The following SULT2A1 variants were observed in gnomAD, a reference collection of about 807,000 sequenced individuals.
The protein encoded by SULT2A1 is sulfotransferase 2A1.
In SULT2A1, 43 loss-of-function variants were observed where a neutral mutation model predicts 33.9. The ratio of observed to expected loss-of-function variants is 1.27; its 90% CI spans 1.00 to 1.64. The LOEUF (loss-of-function observed/expected upper bound fraction) is 1.64, where lower values mean the gene tolerates loss of function less well. Ranked by LOEUF, SULT2A1 falls within the 40% of genes most tolerant of loss-of-function variation. The pLI, the probability that SULT2A1 is intolerant of heterozygous loss-of-function variation, is 0.00. For missense variants in SULT2A1, 300 were observed against 335.1 expected (o/e 0.90, Z 0.82); for synonymous variants, 125 against 113.6 (o/e 1.10, Z -0.64).
rs1304683373 is a variant in SULT2A1 at position 47,871,488 on chromosome 19, T to C, written c.825A>G (p.Ala275=). The C allele has an allele frequency of 6.2e-7, 1 of 1,614,074 alleles. No homozygotes were observed. ...ATGGGAACAGCTCTCGAGGAAGATC[T>C]GCCATCTTCTCTTGGAACAATTTAT... ...DFDKLFQEKM[A]DLPRELFPWE The change falls in exon 6 of 6, where the codon GCA becomes GCG. Residue 275 remains alanine, a synonymous_variant. Transcript: ENST00000222002.
chr19:47,871,921 CT>C (rs111392005), intron 5 of SULT2A1, among the ~76,000 whole-genome samples: 70 of 145,456 alleles, frequency 4.8e-4, no homozygotes, highest in Admixed American at 4.1e-4. Flanking sequence ...GCTTTTTTTT[CT>C]TTTTTTTTTT....
chr19:47,877,783 T>C lies in SULT2A1; in HGVS notation c.567+1253A>G, dbSNP rs62531004. Among the ~76,000 whole-genome samples, 412 of 152,256 alleles carry C rather than the reference T, an allele frequency of 2.7e-3. 2 individuals are homozygous for C. Among genetic ancestry groups the C allele is most frequent in the African/African-American group, 9.2e-3 (384 of 41,566 alleles). On this transcript the variant is annotated intron_variant, in intron 4 of 5. Coordinates refer to ENST00000222002, the MANE Select transcript of SULT2A1 (RefSeq NM_003167.4). The stretch of plus-strand genomic sequence containing the variant: ...CCAGGCTGGTCTCGAACTCCTGGAC[T>C]CAAGCCATCCACCTGCCTTCACCTC...
chr19:47,886,144 T>A lies in SULT2A1; in HGVS notation c.114A>T (p.Ile38=), dbSNP rs1454901991. The A allele has an allele frequency of 1.9e-6, 3 of 1,613,990 alleles. No homozygotes were observed. The Admixed American group carries it at 5.0e-5, about 27-fold the overall frequency. The change falls in exon 1 of 6, where the codon ATA becomes ATT. Residue 38 remains isoleucine, a synonymous_variant. Coordinates refer to ENST00000222002, the MANE Select transcript of SULT2A1 (RefSeq NM_003167.4). ...DEFVIRDEDV[I]ILTYPKSGTN... ...TACCTGATTTGGGGTAAGTCAATAT[T>A]ATTACATCTTCATCCCTTATCACGA...
chr19:47,881,674 A>T (rs1281845087), intron 3 of SULT2A1, among the ~76,000 whole-genome samples: 1 of 152,164 alleles, frequency 6.6e-6, no homozygotes, highest in African/African-American at 2.4e-5. Flanking sequence ...TCCTAGAGTC[A>T]TGCAATCAGT....
At chr19:47,872,761 C>CTTT (rs543237237) in intron 5 of SULT2A1, among the ~76,000 whole-genome samples, 2,526 of 139,836 alleles carry the variant, frequency 0.018, 77 homozygotes, top group African/African-American at 0.064. Context: ...CAGCATTTAT[C>CTTT]TTTTTTTTTT....
At chr19:47,882,474 G>A (rs966748312) in intron 2 of SULT2A1, among the ~76,000 whole-genome samples, 4 of 152,166 alleles carry the variant, frequency 2.6e-5, no homozygotes, top group African/African-American at 9.7e-5. Flanking sequence ...GGAAGAACAT[G>A]GAAGGTTTCC....
intron 4 of SULT2A1, among the ~76,000 whole-genome samples, chr19:47,878,538 G>A (rs961886852): frequency 7.0e-5 from 9 of 128,474 alleles, no homozygotes; most frequent in Admixed American, 1.7e-4. Flanking sequence ...AGACAGAGTC[G>A]TGCTCTATCG....
chr19:47,882,214 A>C lies in SULT2A1; in HGVS notation c.346-4T>G. Reference sequence around the variant, plus strand: ...GATTTCTCATGAGATAAATCACCTTAAATGGAAAAACGGGAGAATGAAAAA... The same window carrying C: ...GATTTCTCATGAGATAAATCACCTTCAATGGAAAAACGGGAGAATGAAAAA... On this transcript the variant is annotated splice_region_variant and splice_polypyrimidine_tract_variant and intron_variant, in intron 2 of 5. Coordinates refer to ENST00000222002, the MANE Select transcript of SULT2A1 (RefSeq NM_003167.4). 1.2e-6 allele frequency: 2 copies of C among 1,608,092 alleles called. No individual in the cohort carries two copies. The highest frequency in any genetic ancestry group is 1.7e-6 in the Non-Finnish European group (2 of 1,177,216).
intron 4 of SULT2A1, among the ~76,000 whole-genome samples, chr19:47,877,332 G>A (rs1392202975): frequency 6.6e-6 from 1 of 151,084 alleles, no homozygotes; most frequent in Non-Finnish European, 1.5e-5. Context: ...CGCCTCCTGG[G>A]TTCAAGCGAT....
chr19:47,878,242 T>G (rs529292402), intron 4 of SULT2A1, among the ~76,000 whole-genome samples: 1 of 152,266 alleles, frequency 6.6e-6, no homozygotes, highest in Admixed American at 6.5e-5. Context: ...AGTGGTGTGA[T>G]CATAGCTCAC....
chr19:47,872,935 T>C (rs1968506666), intron 5 of SULT2A1, among the ~76,000 whole-genome samples: 1 of 151,934 alleles, frequency 6.6e-6, no homozygotes. Flanking sequence ...CTAATTTTTG[T>C]ATTTTTAGTA....
Position 47,874,346 on chromosome 19 carries a change from C to G in SULT2A1, c.745+311G>C, listed in dbSNP as rs545450826. Among the ~76,000 whole-genome samples, 11 of 152,142 alleles carry G rather than the reference C, an allele frequency of 7.2e-5. No individual in the cohort carries two copies. The South Asian group carries it at 2.3e-3, about 32-fold the overall frequency. ...ACAAGGTCAGGAGATCGAGACCAGCCTAGCTAAGATGGTGAAACCATGTCT... is the reference window on the plus strand; with the variant it reads ...ACAAGGTCAGGAGATCGAGACCAGCGTAGCTAAGATGGTGAAACCATGTCT... On this transcript the variant is annotated intron_variant, in intron 5 of 5. Coordinates refer to ENST00000222002, the MANE Select transcript of SULT2A1 (RefSeq NM_003167.4).
intron 5 of SULT2A1, 96 bp downstream of exon 5, chr19:47,874,561 G>C (rs1352956525): frequency 3.0e-5 from 11 of 370,654 alleles, no homozygotes; most frequent in Non-Finnish European, 3.8e-5. Flanking sequence ...AAAAAAAAAA[G>C]CACTCTTTCA....
chr19:47,875,241 A>G (rs1035024826), intron 4 of SULT2A1, among the ~76,000 whole-genome samples: 7 of 151,702 alleles, frequency 4.6e-5, no homozygotes, highest in Non-Finnish European at 5.9e-5. Flanking sequence ...AGGAGGAGGA[A>G]GAAGAGAGGA....
intron 3 of SULT2A1, among the ~76,000 whole-genome samples, chr19:47,880,647 A>T (rs1479722878): frequency 2.0e-5 from 3 of 151,592 alleles, no homozygotes; most frequent in Non-Finnish European, 4.4e-5. Flanking sequence ...AGTGCCATGG[A>T]GTGATCTCGG....
At chr19:47,883,184 A>G (rs1968618974) in intron 2 of SULT2A1, among the ~76,000 whole-genome samples, 1 of 151,988 alleles carries the variant, frequency 6.6e-6, no homozygotes, top group Non-Finnish European at 1.5e-5. Context: ...TCCCATAGGA[A>G]CACCTCTGTG....
intron 5 of SULT2A1, among the ~76,000 whole-genome samples, chr19:47,872,293 C>T (rs1354114651): frequency 6.6e-6 from 1 of 152,156 alleles, no homozygotes; most frequent in Non-Finnish European, 1.5e-5. Context: ...GATCATGCCA[C>T]TTCTCTGCTC....
chr19:47,882,313 AT>A, intron 2 of SULT2A1, 103 bp from the exon 3 acceptor site: 1 of 1,375,210 alleles, frequency 7.3e-7, no homozygotes, highest in Non-Finnish European at 9.9e-7. Flanking sequence ...ATAATGCCTA[AT>A]AATATCAATG....
At chr19:47,876,768 T>TAAAAAAA (rs34642376) in intron 4 of SULT2A1, among the ~76,000 whole-genome samples, 1 of 85,562 alleles carries the variant, frequency 1.2e-5, no homozygotes, top group Admixed American at 1.6e-4. Flanking sequence ...AGACTCTGTC[T>TAAAAAAA]AAAAAAAAAA....
Sources: allele counts gnomAD v4.1 joint callset (sites outside exome capture counted in the v4.1 genomes callset), GRCh38; gene constraint gnomAD v4.1.1; transcripts MANE v1.5; gene names NCBI Gene and HGNC (gene_info 2026-07-23, HGNC 2026-07-21).